Variants in EIF4G3 observed in about 807,000 individuals in gnomAD.
EIF4G3 encodes the protein eukaryotic translation initiation factor 4 gamma 3.
Under a neutral mutation model 186.4 loss-of-function variants are expected in EIF4G3, and 34 were observed. The observed-to-expected ratio is 0.18, with a 90% CI of 0.14 to 0.24. The LOEUF (loss-of-function observed/expected upper bound fraction) is 0.24. EIF4G3 is among the 10% of genes least tolerant of loss of function. The pLI is 1.00. For missense variants in EIF4G3, 1,536 were observed against 1,948.5 expected, an observed-to-expected ratio of 0.79 and a Z score of 3.99; for synonymous variants, 673 against 679.5, an observed-to-expected ratio of 0.99 and a Z score of 0.15.
chr1:20,877,883 G>A (rs1450233608), intron 20 of EIF4G3, among the ~76,000 whole-genome samples: 3 of 151,936 alleles, frequency 2.0e-5, no homozygotes, highest in African/African-American at 7.3e-5. Context: ...CACTCTTGTC[G>A]CCCAGGCTGG....
At chr1:20,868,370 T>C (rs2078171458) in intron 20 of EIF4G3, among the ~76,000 whole-genome samples, 1 of 152,110 alleles carries the variant, frequency 6.6e-6, no homozygotes, top group Non-Finnish European at 1.5e-5. Context: ...ACCCTCTTCC[T>C]GGCTCGTAAA....
intron 9 of EIF4G3, 80 bp downstream of exon 9, chr1:20,980,968 T>C (rs2077829638): frequency 1.7e-6 from 2 of 1,170,404 alleles, no homozygotes; most frequent in Middle Eastern, 3.2e-4. Context: ...CCACAATTCA[T>C]CCACCCAGCT....
intron 4 of EIF4G3, among the ~76,000 whole-genome samples, chr1:21,035,534 G>A (rs570195925): frequency 1.3e-5 from 2 of 152,332 alleles, no homozygotes; most frequent in South Asian, 2.1e-4. Flanking sequence ...TTGGGGTTGG[G>A]GCCAAGCCCG....
rs1270354320 is a variant in EIF4G3, at chr1:20,943,963, CTTTATTTT to C, written c.824-1641_824-1634del. ...ACAAAAATATTTCAGGAAAACTTGT[CTTTATTTT>C]TTTTGTGTGTGTGTGTGTGTGTGTG... is the stretch of plus-strand genomic sequence containing the variant. On this transcript the variant is annotated intron_variant, in intron 13 of 36. Coordinates refer to ENST00000602326, the MANE Select transcript of EIF4G3 (RefSeq NM_001391906.1). 5.8e-4 allele frequency among the ~76,000 whole-genome samples: 13 copies of C among 22,558 alleles called. 1 individual carries two copies. Among genetic ancestry groups the C allele is most frequent in the African/African-American group, 1.6e-3 (13 of 8,116 alleles). 14.8% of individuals were successfully genotyped at this position (22,558 alleles called of 152,430 possible).
intron 3 of EIF4G3, among the ~76,000 whole-genome samples, chr1:21,083,685 C>T (rs971211911): frequency 1.3e-5 from 2 of 152,048 alleles, no homozygotes; most frequent in Non-Finnish European, 2.9e-5. Context: ...TAGTAAAAAT[C>T]AAATTAGATC....
chr1:20,916,179 T>A (rs76590593), intron 14 of EIF4G3, among the ~76,000 whole-genome samples: 15,923 of 152,100 alleles, frequency 0.1, 1,157 homozygotes, highest in Non-Finnish European at 0.15. Flanking sequence ...TTTAGAGAAT[T>A]AAAGAATACT....
intron 10 of EIF4G3, among the ~76,000 whole-genome samples, chr1:20,973,810 C>T (rs2076333284): frequency 6.6e-6 from 1 of 152,184 alleles, no homozygotes; most frequent in Admixed American, 6.5e-5. Context: ...AAATTATCTT[C>T]TTCCCCCACT....
chr1:20,852,883 A>T lies in EIF4G3; in HGVS notation c.3551+677T>A, dbSNP rs534856144. On this transcript the variant is annotated intron_variant, in intron 27 of 36. Coordinates refer to ENST00000602326, the MANE Select transcript of EIF4G3 (RefSeq NM_001391906.1). ...AGTCTACCTAATCAAACTTATTACA[A>T]TAATAATAATAAAAAGCCTGATGGG... Among the ~76,000 whole-genome samples the T allele has an allele frequency of 9.5e-4, 145 of 152,236 alleles. 2 individuals carry two copies. The highest frequency in any genetic ancestry group is 3.2e-3 in the African/African-American group (135 of 41,544).
At chr1:21,110,211 T>C (rs1166981242) in intron 2 of EIF4G3, among the ~76,000 whole-genome samples, 1 of 152,236 alleles carries the variant, frequency 6.6e-6, no homozygotes, top group Non-Finnish European at 1.5e-5. Context: ...GGTAAATTCA[T>C]ATTCAAATCT....
chr1:20,932,878 C>CA (rs1032230175), intron 14 of EIF4G3, among the ~76,000 whole-genome samples: 10 of 151,822 alleles, frequency 6.6e-5, no homozygotes, highest in African/African-American at 2.4e-4. Flanking sequence ...TTTCTCAACA[C>CA]AGAGTTACCA....
intron 2 of EIF4G3, among the ~76,000 whole-genome samples, chr1:21,099,350 A>C (rs1386040219): frequency 6.6e-6 from 1 of 152,236 alleles, no homozygotes; most frequent in Non-Finnish European, 1.5e-5. Flanking sequence ...ATGGCCAAAA[A>C]CACTAGAAAT....
intron 21 of EIF4G3, 152 bp from the exon 22 acceptor site, chr1:20,864,864 G>T: frequency 1.2e-6 from 1 of 859,402 alleles, no homozygotes; most frequent in Non-Finnish European, 1.8e-6. Context: ...ATCCATTTCA[G>T]ATTTTTGGAA....
At chr1:21,060,295 G>C (rs755737057) in intron 3 of EIF4G3, among the ~76,000 whole-genome samples, 1 of 152,158 alleles carries the variant, frequency 6.6e-6, no homozygotes, top group African/African-American at 2.4e-5. Context: ...CCTGTACTTG[G>C]TGTACACACC....
In EIF4G3 at chr1:21,117,552, A is replaced by G. The variant is rs145037718; in HGVS notation, c.-271-28339T>C. Reference sequence around the variant, plus strand: ...TATTTATTTTTAAATAAGGAAGTAAAATTCTCAAAATGATACAGTTGCTGC... The same window carrying G: ...TATTTATTTTTAAATAAGGAAGTAAGATTCTCAAAATGATACAGTTGCTGC... On this transcript the variant is annotated intron_variant, in intron 2 of 36. Coordinates refer to ENST00000602326, the MANE Select transcript of EIF4G3 (RefSeq NM_001391906.1). 5.1e-3 allele frequency among the ~76,000 whole-genome samples: 775 copies of G among 151,914 alleles called. 7 individuals carry two copies. The highest frequency in any genetic ancestry group is 0.018 in the African/African-American group (744 of 41,452).
At chr1:21,145,433 GC>G (rs1248478160) in intron 2 of EIF4G3, among the ~76,000 whole-genome samples, 1 of 150,246 alleles carries the variant, frequency 6.7e-6, no homozygotes, top group Non-Finnish European at 1.5e-5. Flanking sequence ...TTTATTTTAT[GC>G]CTTTTTTTTT....
chr1:20,897,610 T>C (rs2088728527), intron 16 of EIF4G3, among the ~76,000 whole-genome samples: 1 of 152,126 alleles, frequency 6.6e-6, no homozygotes, highest in African/African-American at 2.4e-5. Flanking sequence ...TGGATCCTTC[T>C]TACATTAGAG....
chr1:20,844,762 G>A (rs558589386), intron 29 of EIF4G3, among the ~76,000 whole-genome samples: 2 of 152,170 alleles, frequency 1.3e-5, no homozygotes, highest in Admixed American at 6.5e-5. Flanking sequence ...AACCCGGGAG[G>A]CAGAGGTTGC....
intron 14 of EIF4G3, among the ~76,000 whole-genome samples, chr1:20,937,389 A>G (rs1433835857): frequency 2.0e-5 from 3 of 152,240 alleles, no homozygotes; most frequent in African/African-American, 7.2e-5. Flanking sequence ...ACCCAGATTT[A>G]GTTCCAGCAA....
At chr1:20,971,426 C>A (rs1267534627) in intron 11 of EIF4G3, among the ~76,000 whole-genome samples, 1 of 152,184 alleles carries the variant, frequency 6.6e-6, no homozygotes, top group Admixed American at 6.5e-5. Context: ...TACTGTCTTC[C>A]GGTTTCATTT....
Sources: gnomAD v4.1 joint callset for allele counts (sites outside exome capture counted in the v4.1 genomes callset) on GRCh38, gnomAD v4.1.1 for gene constraint, MANE v1.5 for transcripts, NCBI Gene and HGNC (gene_info 2026-07-23, HGNC 2026-07-21) for gene names.